MAP1B: variants seen among roughly 807,000 people sequenced by gnomAD.
The protein encoded by MAP1B is microtubule associated protein 1B.
Under a neutral mutation model 176.1 loss-of-function variants are expected in MAP1B, and 12 were observed. The ratio of observed to expected loss-of-function variants is 0.07; its 90% CI spans 0.04 to 0.11. The LOEUF (loss-of-function observed/expected upper bound fraction) is 0.11, where lower values mean the gene tolerates loss of function less well. Ranked by LOEUF, MAP1B falls within the 10% of genes least tolerant of loss-of-function variation. The pLI, the probability that MAP1B is intolerant of heterozygous loss-of-function variation, is 1.00. For missense variants in MAP1B, 2,523 were observed against 2,990.5 expected (o/e 0.84, Z 3.65); for synonymous variants, 1,044 against 1,135.0 (o/e 0.92, Z 1.61).
At position 72,107,568 on chromosome 5, in the gene MAP1B, C is replaced by T; in HGVS notation, c.37C>T (p.Pro13Ser). The T allele has an allele frequency of 1.3e-6, 2 of 1,586,040 alleles. No homozygotes were observed. Among genetic ancestry groups the T allele is most frequent in the Non-Finnish European group, 8.5e-7 (1 of 1,171,926 alleles). Residue 13 changes from proline (P) to serine (S), a missense_variant, in exon 1 of 7, where the codon CCG becomes TCG. Transcript: ENST00000296755. ...GGTGGTGGAAGCCACCGAGCCGGAG[C>T]CGTCCGGCAGCATCGCCAACCCGGC... ...TVVVEATEPE[P>S]SGSIANPAAS...
intron 2 of MAP1B, among the ~76,000 whole-genome samples, chr5:72,141,653 T>C (rs932969850): frequency 6.6e-6 from 1 of 152,164 alleles, no homozygotes; most frequent in African/African-American, 2.4e-5. Context: ...AGAATGACTT[T>C]CTCCATTAAG....
chr5:72,161,291 GA>G (rs1263052189), intron 2 of MAP1B, among the ~76,000 whole-genome samples: 3 of 152,194 alleles, frequency 2.0e-5, no homozygotes, highest in African/African-American at 7.2e-5. Flanking sequence ...TGTGTACAGT[GA>G]AGTCAGTCAT....
In MAP1B at chr5:72,200,203, A is replaced by G; in HGVS notation, c.6848A>G (p.Lys2283Arg). The G allele has an allele frequency of 6.2e-7, 1 of 1,614,204 alleles. No individual in the cohort carries two copies. The highest frequency in any genetic ancestry group is 2.2e-5 in the East Asian group (1 of 44,884). The change falls in exon 5 of 7, where the codon AAA becomes AGA. Residue 2283 changes from lysine to arginine, a missense_variant. Physicochemically the swap from Lys to Arg is conservative, Grantham distance 26. This residue lies in a region of MAP1B where 287 missense variants were observed against 401.5 expected (regional missense o/e 0.71). Transcript: ENST00000296755. ...GCGGGCTTGAAAGAATCCTCGGATA[A>G]AGTGTCCAGGGTGGCTTCTCCTAAG... ...KPAGLKESSD[K>R]VSRVASPKKK...
chr5:72,162,145 T>C (rs2112181213), intron 2 of MAP1B, among the ~76,000 whole-genome samples: 3 of 152,268 alleles, frequency 2.0e-5, no homozygotes, highest in Middle Eastern at 6.8e-3. Context: ...AACTCAGTGC[T>C]GCGTGCAACC....
rs1747222083 is a variant in MAP1B, at chr5:72,197,839, G to A, written c.4484G>A (p.Arg1495Lys). 1.9e-6 allele frequency: 3 copies of A among 1,614,078 alleles called. No homozygotes were observed. The African/African-American group carries it at 4.0e-5, about 22-fold the overall frequency. ...CAACCAGCACTGGCTCTGGATGAAA[G>A]GAAATTAGGAGATGTTTCTCCCACA... The part of the protein sequence containing the change: ...SSQPALALDE[R>K]KLGDVSPTQI... The change falls in exon 5 of 7, where the codon AGG (arginine) becomes AAG (lysine). Residue 1495 changes from arginine (R) to lysine (K), a missense_variant. Arg to Lys is a conservative substitution (Grantham distance 26). This residue lies in a region of MAP1B where 1,925 missense variants were observed against 2,126.0 expected (regional missense o/e 0.91). Transcript: ENST00000296755.
Position 72,196,770 on chromosome 5 carries a change from C to T in MAP1B, c.3415C>T (p.Pro1139Ser), listed in dbSNP as rs1554055111. ...CACCCCCATGGATGAGATGTCTACC[C>T]CTCGAGACGTGATGAGTGATGAGAC... ...EPTPMDEMST[P>S]RDVMSDETNN... Residue 1139 changes from proline to serine, a missense_variant, in exon 5 of 7, where the codon CCT becomes TCT. Physicochemically the swap from Pro to Ser is moderately conservative, Grantham distance 74. Transcript: ENST00000296755. This position sits in a 1 kb window ranked among gnomAD's most constrained non-coding sequence, Gnocchi z 5.3. The T allele has an allele frequency of 6.2e-7, 1 of 1,614,132 alleles. No homozygotes were observed. Among genetic ancestry groups the T allele is most frequent in the Non-Finnish European group, 8.5e-7 (1 of 1,180,018 alleles).
rs1747104099 is a variant in MAP1B at position 72,194,575 on chromosome 5, A to C, written c.1220A>C (p.Asp407Ala). 1 of 1,614,014 alleles carries C rather than the reference A, an allele frequency of 6.2e-7. No individual in the cohort carries two copies. Residue 407 changes from aspartate to alanine, a missense_variant, in exon 5 of 7, where the codon GAT (aspartate) becomes GCT (alanine). Asp to Ala is a moderately radical substitution (Grantham distance 126). Coordinates refer to ENST00000296755, the MANE Select transcript of MAP1B (RefSeq NM_005909.5). This position sits in a 1 kb window ranked among gnomAD's most constrained non-coding sequence, Gnocchi z 7.2. ...TTTAGAAGTGTAGGCAATACTATTG[A>C]TCCTGTCATTCTTTTCCAAAAAATG... ...PLFRSVGNTIDPVILFQKMGV... is the reference protein window; with the variant it reads ...PLFRSVGNTIAPVILFQKMGV...
intron 2 of MAP1B, among the ~76,000 whole-genome samples, chr5:72,177,280 G>A (rs982501824): frequency 6.6e-6 from 1 of 152,142 alleles, no homozygotes; most frequent in Non-Finnish European, 1.5e-5. Flanking sequence ...ATGGAGAGCC[G>A]CTCATTGTAG....
At chr5:72,119,325 G>A (rs1250597684) in intron 2 of MAP1B, among the ~76,000 whole-genome samples, 1 of 152,198 alleles carries the variant, frequency 6.6e-6, no homozygotes, top group Non-Finnish European at 1.5e-5. Context: ...TGTGCCCAGG[G>A]CAGGTCTCTG....
chr5:72,130,624 G>A lies in MAP1B; in HGVS notation c.286+14825G>A, dbSNP rs572745511. On this transcript the variant is annotated intron_variant, in intron 2 of 6. Transcript: ENST00000296755. ...CAAAAACTATCAATTACTTTTCAGA[G>A]ACTTGGCAGTCTAGAAGCTCTGGTA... Among the ~76,000 whole-genome samples the A allele has an allele frequency of 1.2e-4, 18 of 152,286 alleles. No individual in the cohort carries two copies. In the South Asian group the frequency reaches 3.5e-3, roughly 30 times the overall value.
At chr5:72,178,163 T>C (rs528671732) in intron 2 of MAP1B, among the ~76,000 whole-genome samples, 33 of 152,214 alleles carry the variant, frequency 2.2e-4, no homozygotes, top group African/African-American at 7.7e-4. Flanking sequence ...CCACCATGCC[T>C]GGCTAATTTT....
chr5:72,192,575 AG>A (rs1160618156), intron 4 of MAP1B, among the ~76,000 whole-genome samples: 1 of 152,258 alleles, frequency 6.6e-6, no homozygotes, highest in Non-Finnish European at 1.5e-5. Context: ...CATTCATAAT[AG>A]TAGCCTCAGA....
At chr5:72,111,591 T>C (rs1303234777) in intron 1 of MAP1B, among the ~76,000 whole-genome samples, 2 of 152,194 alleles carry the variant, frequency 1.3e-5, no homozygotes, top group Non-Finnish European at 2.9e-5. Flanking sequence ...GAGAATTAAA[T>C]GTTAGAGAGT....
intron 2 of MAP1B, among the ~76,000 whole-genome samples, chr5:72,119,494 A>G (rs1389425132): frequency 6.6e-6 from 1 of 152,188 alleles, no homozygotes; most frequent in East Asian, 1.9e-4. Context: ...AAATAGAGCA[A>G]CAGTCTTTTG....
intron 2 of MAP1B, among the ~76,000 whole-genome samples, chr5:72,168,885 A>G (rs1253268021): frequency 1.3e-5 from 2 of 152,244 alleles, no homozygotes; most frequent in African/African-American, 2.4e-5. Flanking sequence ...CTGTTTGTTA[A>G]GTAAACCATT....
At chr5:72,181,596 T>C (rs1164808781) in intron 2 of MAP1B, among the ~76,000 whole-genome samples, 1 of 152,158 alleles carries the variant, frequency 6.6e-6, no homozygotes, top group Non-Finnish European at 1.5e-5. Flanking sequence ...CTTGCTCTGT[T>C]ACCCAGGCTA....
chr5:72,195,866 C>G lies in MAP1B; in HGVS notation c.2511C>G (p.Thr837=). The G allele has an allele frequency of 2.5e-6, 4 of 1,614,196 alleles. No homozygotes were observed. The highest frequency in any genetic ancestry group is 3.4e-6 in the Non-Finnish European group (4 of 1,180,038). ...RSLMSSPEDL[T]KDFEELKAEE... ...TTATGTCATCTCCTGAGGATCTAAC[C>G]AAGGACTTTGAAGAGTTAAAGGCTG... The change falls in exon 5 of 7, where the codon ACC becomes ACG. Residue 837 remains threonine (T), a synonymous_variant. Coordinates refer to ENST00000296755, the MANE Select transcript of MAP1B (RefSeq NM_005909.5).
chr5:72,140,406 C>A (rs1327068286), intron 2 of MAP1B, among the ~76,000 whole-genome samples: 2 of 152,152 alleles, frequency 1.3e-5, no homozygotes, highest in African/African-American at 4.8e-5. Flanking sequence ...CTGTTTTATT[C>A]TATACTATTA....
rs1367839207 is a variant in MAP1B at position 72,128,420 on chromosome 5, A to C, written c.286+12621A>C. The stretch of plus-strand genomic sequence containing the variant: ...GCAGATATTGTTTTAAAAAAAAAAA[A>C]AAACACTCAAAACTGCTACAGAGAA... On this transcript the variant is annotated intron_variant, in intron 2 of 6. Coordinates refer to ENST00000296755, the MANE Select transcript of MAP1B (RefSeq NM_005909.5). 2.0e-5 allele frequency among the ~76,000 whole-genome samples: 3 copies of C among 152,180 alleles called. No homozygotes were observed. The East Asian group carries it at 5.8e-4, about 29-fold the overall frequency.
Sources: allele counts gnomAD v4.1 joint callset (sites outside exome capture counted in the v4.1 genomes callset), GRCh38; gene constraint gnomAD v4.1.1; regional missense constraint gnomAD v4.1.1; non-coding constraint Gnocchi (gnomAD v3.1); transcripts MANE v1.5; gene names NCBI Gene and HGNC (gene_info 2026-07-23, HGNC 2026-07-21).